Variants in PTBP3 observed in about 807,000 individuals in gnomAD.
PTBP3 encodes polypyrimidine tract-binding protein 3.
PTBP3 carries 20 observed loss-of-function variants against 58.7 expected under a neutral mutation model. The ratio of observed to expected loss-of-function variants is 0.34; its 90% CI spans 0.24 to 0.50. The LOEUF (loss-of-function observed/expected upper bound fraction) is 0.50, where lower values mean the gene tolerates loss of function less well. Among genes scored for constraint, PTBP3 ranks in the 20% least tolerant of loss-of-function variants. PTBP3 has a pLI of 0.98. For synonymous variants in PTBP3, 185 were observed against 219.8 expected (o/e 0.84, Z 1.40); for missense variants, 509 against 637.2 (o/e 0.80, Z 2.17).
intron 7 of PTBP3, among the ~76,000 whole-genome samples, chr9:112,242,208 A>G (rs1209780945): frequency 1.3e-5 from 2 of 152,070 alleles, no homozygotes; most frequent in East Asian, 1.9e-4. Context: ...GCTTGATTAG[A>G]GCACACTCAA....
At chr9:112,322,112 G>A (rs1829975548) in intron 1 of PTBP3, among the ~76,000 whole-genome samples, 1 of 113,716 alleles carries the variant, frequency 8.8e-6, no homozygotes, top group South Asian at 3.0e-4. Context: ...TCCAGCCTAG[G>A]AGACAGAGCG....
intron 5 of PTBP3, among the ~76,000 whole-genome samples, chr9:112,258,220 G>A (rs1303435705): frequency 6.6e-6 from 1 of 152,130 alleles, no homozygotes; most frequent in African/African-American, 2.4e-5. Flanking sequence ...ACAGTACTCA[G>A]AAGTAATGGA....
At chr9:112,306,727 T>C (rs913416035) in intron 1 of PTBP3, among the ~76,000 whole-genome samples, 3 of 151,872 alleles carry the variant, frequency 2.0e-5, no homozygotes, top group Non-Finnish European at 4.4e-5. Flanking sequence ...GCGATTCTCC[T>C]GCCTCAGCCT....
chr9:112,341,903 G>A, the PTBP3 span, among the ~76,000 whole-genome samples: 53 of 152,256 alleles, frequency 3.5e-4, no homozygotes, highest in Admixed American at 1.4e-3. Flanking sequence ...AATTTTAGGT[G>A]TCAACTTGCC....
At chr9:112,343,814 C>T in the PTBP3 span, among the ~76,000 whole-genome samples, 5 of 151,276 alleles carry the variant, frequency 3.3e-5, no homozygotes, top group East Asian at 9.7e-4. Context: ...AAGAAAAAAT[C>T]TTACATGCCC....
chr9:112,312,021 A>G (rs1829502634), intron 1 of PTBP3, among the ~76,000 whole-genome samples: 1 of 152,204 alleles, frequency 6.6e-6, no homozygotes, highest in Non-Finnish European at 1.5e-5. Context: ...GACCTATTTC[A>G]GATTAATTTC....
At chr9:112,301,978 T>G (rs941861154) in intron 1 of PTBP3, among the ~76,000 whole-genome samples, 4 of 152,158 alleles carry the variant, frequency 2.6e-5, no homozygotes, top group Admixed American at 6.5e-5. Flanking sequence ...TCCTGCTGTC[T>G]TCACTAACAG....
chr9:112,373,388 A>AT, the PTBP3 span, among the ~76,000 whole-genome samples: 1 of 152,022 alleles, frequency 6.6e-6, no homozygotes, highest in African/African-American at 2.4e-5. Flanking sequence ...ACCTTTTCAC[A>AT]TTTTTTCTGC....
At chr9:112,297,050 C>T (rs1357915811) in intron 2 of PTBP3, among the ~76,000 whole-genome samples, 1 of 152,146 alleles carries the variant, frequency 6.6e-6, no homozygotes, top group Non-Finnish European at 1.5e-5. Context: ...ACTCTCTTTC[C>T]AGTACTGCAC....
chr9:112,374,490 C>T, the PTBP3 span, among the ~76,000 whole-genome samples: 1 of 152,308 alleles, frequency 6.6e-6, no homozygotes, highest in Middle Eastern at 3.4e-3. Context: ...AACACTGATT[C>T]AGAGCATACA....
At chr9:112,349,141 C>T in the PTBP3 span, among the ~76,000 whole-genome samples, 1 of 151,970 alleles carries the variant, frequency 6.6e-6, no homozygotes, top group Non-Finnish European at 1.5e-5. Flanking sequence ...TCTAGGTAGC[C>T]TCAGTATGGT....
Position 112,223,356 on chromosome 9 carries a change from A to G in PTBP3, c.*495T>C. The G allele has an allele frequency of 1.0e-6, 1 of 973,090 alleles. No individual in the cohort carries two copies. The highest frequency in any genetic ancestry group is 4.7e-5 in the South Asian group (1 of 21,134). 60.3% of individuals were successfully genotyped at this position (973,090 alleles called of 1,614,324 possible). ...TCAATATATGGCAAAGATCTGATGT[A>G]CTTTATATGTGAATATAATTTCCTA... On this transcript the variant is annotated 3_prime_UTR_variant, in exon 14 of 14. Coordinates refer to ENST00000374257, the MANE Select transcript of PTBP3 (RefSeq NM_001163788.4).
intron 1 of PTBP3, among the ~76,000 whole-genome samples, chr9:112,327,546 G>C (rs959300605): frequency 1.3e-5 from 2 of 152,098 alleles, no homozygotes; most frequent in South Asian, 4.1e-4. Flanking sequence ...GGGCAACAGA[G>C]GGAGACCACC....
chr9:112,308,369 A>C (rs1434589215), intron 1 of PTBP3, among the ~76,000 whole-genome samples: 5 of 151,802 alleles, frequency 3.3e-5, no homozygotes, highest in East Asian at 1.9e-4. Flanking sequence ...AAAAAAAAAA[A>C]AAAAAAAAAA....
chr9:112,318,853 C>A (rs1000632149), intron 1 of PTBP3, among the ~76,000 whole-genome samples: 4 of 150,408 alleles, frequency 2.7e-5, no homozygotes, highest in African/African-American at 9.8e-5. Flanking sequence ...ATGGGCCGGG[C>A]ACAGTGGCTC....
intron 1 of PTBP3, 44 bp downstream of exon 1, chr9:112,333,426 C>T (rs1483634270): frequency 2.6e-6 from 4 of 1,563,354 alleles, no homozygotes; most frequent in Non-Finnish European, 3.5e-6. Flanking sequence ...GTGGAAGCGG[C>T]GCCAAGGCAA....
intron 7 of PTBP3, among the ~76,000 whole-genome samples, chr9:112,245,775 A>G (rs1356020120): frequency 6.6e-6 from 1 of 152,172 alleles, no homozygotes; most frequent in East Asian, 1.9e-4. Flanking sequence ...AAGGCCACAG[A>G]GCCAGTGTGA....
At chr9:112,236,264 A>G (rs1254653984) in intron 7 of PTBP3, among the ~76,000 whole-genome samples, 1 of 152,212 alleles carries the variant, frequency 6.6e-6, no homozygotes, top group Non-Finnish European at 1.5e-5. Context: ...GATTCAAAAA[A>G]TGAGAGTAAC....
chr9:112,278,790 C>T (rs546243583), intron 2 of PTBP3, among the ~76,000 whole-genome samples: 53 of 152,250 alleles, frequency 3.5e-4, no homozygotes, highest in Admixed American at 2.5e-3. Flanking sequence ...TCCTGTAAAA[C>T]GGGTATAACA....
Sources: gnomAD v4.1 joint callset for allele counts (sites outside exome capture counted in the v4.1 genomes callset) on GRCh38, gnomAD v4.1.1 for gene constraint, MANE v1.5 for transcripts, NCBI Gene and HGNC (gene_info 2026-07-23, HGNC 2026-07-21) for gene names.